Variants in PROM1 observed in about 807,000 individuals in gnomAD.
The protein encoded by PROM1 is prominin-1.
PROM1 carries 105 observed loss-of-function variants against 116.9 expected under a neutral mutation model. That is an observed-to-expected ratio of 0.90 (90% CI 0.77 to 1.06). The LOEUF is 1.06. Ranked by LOEUF, PROM1 falls within the 50% of genes least tolerant of loss-of-function variation. The probability of loss-of-function intolerance (pLI) is 0.00; values close to 1 mark genes in which losing one functional copy is unlikely to be tolerated. For synonymous variants in PROM1, 393 were observed against 387.0 expected, an observed-to-expected ratio of 1.02 and a Z score of -0.18; for missense variants, 1,122 against 1,045.2, an observed-to-expected ratio of 1.07 and a Z score of -1.01.
chr4:16,064,391 C>A (rs1044768718), intron 2 of PROM1, among the ~76,000 whole-genome samples: 1 of 152,074 alleles, frequency 6.6e-6, no homozygotes, highest in Non-Finnish European at 1.5e-5. Context: ...GTGATCCCAC[C>A]AGGAATAATT....
chr4:16,077,669 G>C (rs1361127767), intron 1 of PROM1, among the ~76,000 whole-genome samples: 1 of 152,052 alleles, frequency 6.6e-6, no homozygotes, highest in East Asian at 1.9e-4. Flanking sequence ...CCACTAGTTT[G>C]CCTTCAAAGT....
intron 19 of PROM1, 23 bp downstream of exon 19, chr4:15,989,709 T>A: frequency 1.3e-6 from 2 of 1,554,356 alleles, no homozygotes; most frequent in Non-Finnish European, 1.8e-6. Flanking sequence ...CACAGTGAAA[T>A]ACAATACGTC....
chr4:15,989,499 G>A (rs1034186619), intron 19 of PROM1, among the ~76,000 whole-genome samples: 15 of 152,264 alleles, frequency 9.9e-5, no homozygotes, highest in African/African-American at 3.6e-4. Flanking sequence ...AGGTGGAAGA[G>A]ACAGCCACAG....
At chr4:16,015,345 C>CAAAAAAAAAA (rs71649934) in intron 10 of PROM1, among the ~76,000 whole-genome samples, 9 of 51,486 alleles carry the variant, frequency 1.7e-4, no homozygotes, top group Admixed American at 3.1e-4. Flanking sequence ...GACTCCATCT[C>CAAAAAAAAAA]AAAAAAAAAA....
chr4:16,025,088 T>C, intron 6 of PROM1, 104 bp downstream of exon 6: 1 of 1,361,842 alleles, frequency 7.3e-7, no homozygotes, highest in Non-Finnish European at 1.0e-6. Flanking sequence ...CTACGCTGAT[T>C]CACTGTGTTT....
At chr4:16,069,241 A>C (rs912695402) in intron 2 of PROM1, among the ~76,000 whole-genome samples, 2 of 152,222 alleles carry the variant, frequency 1.3e-5, no homozygotes, top group African/African-American at 4.8e-5. Context: ...CCTCGAAAAA[A>C]ACAAAAAACA....
At chr4:16,057,766 A>G (rs1396883891) in intron 2 of PROM1, among the ~76,000 whole-genome samples, 8 of 152,232 alleles carry the variant, frequency 5.3e-5, no homozygotes, top group Admixed American at 5.2e-4. Context: ...AGAGATACAT[A>G]TAGAATTACG....
intron 11 of PROM1, among the ~76,000 whole-genome samples, chr4:16,010,073 T>C (rs763832478): frequency 6.6e-6 from 1 of 152,152 alleles, no homozygotes; most frequent in Non-Finnish European, 1.5e-5. Flanking sequence ...TGATACAAAT[T>C]GAGACATCTT....
intron 2 of PROM1, among the ~76,000 whole-genome samples, chr4:16,053,637 G>A (rs1022179225): frequency 2.0e-5 from 3 of 152,208 alleles, no homozygotes; most frequent in Non-Finnish European, 4.4e-5. Flanking sequence ...GGAAAATGAC[G>A]TTATGTTTGG....
rs776521084 is a variant in PROM1, at chr4:16,000,502, T to G, written c.1572A>C (p.Leu524Phe). Residue 524 changes from leucine to phenylalanine, a missense_variant, in exon 14 of 28, where the codon TTA becomes TTC. Leu to Phe is a conservative substitution (Grantham distance 22). Coordinates refer to ENST00000447510, the MANE Select transcript of PROM1 (RefSeq NM_006017.3). ...LICEPYTSKE[L>F]FRVLDTPYLL... ...GGTAGAAAATCATATTTACCCGGAA[T>G]AATTCCTTGCTCGTGTAAGGTTCAC... The G allele has an allele frequency of 5.0e-6, 8 of 1,589,796 alleles. No individual in the cohort carries two copies. Among genetic ancestry groups the G allele is most frequent in the Non-Finnish European group, 6.9e-6 (8 of 1,160,308 alleles).
chr4:15,983,906 T>C (rs772140040), intron 23 of PROM1, among the ~76,000 whole-genome samples: 1 of 152,206 alleles, frequency 6.6e-6, no homozygotes, highest in African/African-American at 2.4e-5. Flanking sequence ...GGCTTTTTAA[T>C]GACAAATGAA....
chr4:15,983,936 T>C (rs1161306482), intron 23 of PROM1, among the ~76,000 whole-genome samples: 8 of 152,142 alleles, frequency 5.3e-5, no homozygotes, highest in Non-Finnish European at 5.9e-5. Context: ...AACTTTGGGG[T>C]TGTAAATGTA....
chr4:15,974,875 A>G (rs1715706252), intron 26 of PROM1, among the ~76,000 whole-genome samples: 1 of 152,228 alleles, frequency 6.6e-6, no homozygotes, highest in Non-Finnish European at 1.5e-5. Context: ...ACTGTTGGCG[A>G]TAAACACTGG....
chr4:16,064,650 C>T (rs780837470), intron 2 of PROM1, among the ~76,000 whole-genome samples: 1 of 152,188 alleles, frequency 6.6e-6, no homozygotes, highest in Non-Finnish European at 1.5e-5. Flanking sequence ...ATTAGCACTT[C>T]GGGAGGCCGA....
intron 13 of PROM1, among the ~76,000 whole-genome samples, chr4:16,001,518 C>T (rs908219783): frequency 1.3e-5 from 2 of 152,068 alleles, no homozygotes; most frequent in African/African-American, 4.8e-5. Context: ...GCCAGCAAAC[C>T]AGACCAAGAT....
At chr4:16,040,438 T>C (rs78262083) in intron 2 of PROM1, among the ~76,000 whole-genome samples, 5,976 of 152,350 alleles carry the variant, frequency 0.039, 160 homozygotes, top group African/African-American at 0.071. Flanking sequence ...TGGTCTGTTT[T>C]ACAGATCAGG....
intron 8 of PROM1, among the ~76,000 whole-genome samples, chr4:16,020,637 A>G (rs1445709339): frequency 6.6e-6 from 1 of 152,172 alleles, no homozygotes; most frequent in Middle Eastern, 3.2e-3. Flanking sequence ...ACTTCAGGAT[A>G]AGTTATCTTA....
chr4:15,977,274 ACAGG>A (rs1716393616), intron 26 of PROM1, among the ~76,000 whole-genome samples: 1 of 152,152 alleles, frequency 6.6e-6, no homozygotes, highest in African/African-American at 2.4e-5. Flanking sequence ...TTCACAACCA[ACAGG>A]CAAACACCAG....
chr4:16,024,068 A>G (rs571473913), intron 7 of PROM1, among the ~76,000 whole-genome samples: 1 of 152,352 alleles, frequency 6.6e-6, no homozygotes, highest in Admixed American at 6.5e-5. Flanking sequence ...GCTTTCCAGT[A>G]AGTGTAAAAT....
Sources: gnomAD v4.1 joint callset for allele counts (sites outside exome capture counted in the v4.1 genomes callset) on GRCh38, gnomAD v4.1.1 for gene constraint, MANE v1.5 for transcripts, NCBI Gene and HGNC (gene_info 2026-07-23, HGNC 2026-07-21) for gene names.